Variants in CDH13 observed in about 807,000 individuals in gnomAD.
CDH13 encodes the protein cadherin-13.
In CDH13, 24 loss-of-function variants were observed where a neutral mutation model predicts 63.8. That is an observed-to-expected ratio of 0.38 (90% CI 0.27 to 0.53). The LOEUF (loss-of-function observed/expected upper bound fraction) is 0.53. Ranked by LOEUF, CDH13 falls within the 20% of genes least tolerant of loss-of-function variation. The pLI is 0.85. For synonymous variants in CDH13, 503 were observed against 355.3 expected (o/e 1.42, Z -4.67); for missense variants, 1,049 against 903.1 (o/e 1.16, Z -2.07).
chr16:83,365,420 C>T (rs1430263717), intron 6 of CDH13, among the ~76,000 whole-genome samples: 2 of 152,198 alleles, frequency 1.3e-5, no homozygotes, highest in Admixed American at 6.5e-5. Context: ...TCCAGACATG[C>T]CCTTACATCC....
At chr16:83,019,833 C>G (rs1167800357) in intron 2 of CDH13, among the ~76,000 whole-genome samples, 1 of 112,778 alleles carries the variant, frequency 8.9e-6, no homozygotes, top group African/African-American at 3.6e-5. Context: ...GAGGAGTACA[C>G]TCTAAAAAAA....
chr16:83,401,598 A>G (rs897060571), intron 6 of CDH13, among the ~76,000 whole-genome samples: 1 of 152,144 alleles, frequency 6.6e-6, no homozygotes, highest in African/African-American at 2.4e-5. Context: ...CAAATTATAT[A>G]CTTTAAACCT....
chr16:82,671,792 C>T (rs117193489), intron 1 of CDH13, among the ~76,000 whole-genome samples: 2 of 151,854 alleles, frequency 1.3e-5, no homozygotes, highest in Admixed American at 6.6e-5. Context: ...CTTTGGGCTT[C>T]TTTTCTATTC....
intron 1 of CDH13, among the ~76,000 whole-genome samples, chr16:82,641,623 G>A (rs879726021): frequency 6.6e-6 from 1 of 152,216 alleles, no homozygotes; most frequent in Admixed American, 6.5e-5. Flanking sequence ...TAAGCCAGTT[G>A]AGGTCAAAGG....
intron 6 of CDH13, among the ~76,000 whole-genome samples, chr16:83,395,785 C>T (rs1388624389): frequency 6.6e-6 from 1 of 152,116 alleles, no homozygotes; most frequent in Admixed American, 6.5e-5. Context: ...GTTATTTCAC[C>T]TTTCCGTTCT....
chr16:83,538,073 G>T (rs2075228391), intron 7 of CDH13, among the ~76,000 whole-genome samples: 1 of 152,060 alleles, frequency 6.6e-6, no homozygotes, highest in African/African-American at 2.4e-5. Flanking sequence ...AGTTGAATAT[G>T]CGCTATGTTT....
intron 4 of CDH13, among the ~76,000 whole-genome samples, chr16:83,151,075 G>C (rs768973881): frequency 3.3e-5 from 5 of 152,126 alleles, no homozygotes; most frequent in African/African-American, 4.8e-5. Context: ...AATCAATCTT[G>C]TTCCCATACC....
chr16:83,065,510 G>A (rs1251746379), intron 3 of CDH13, among the ~76,000 whole-genome samples: 2 of 152,018 alleles, frequency 1.3e-5, no homozygotes, highest in Admixed American at 1.3e-4. Context: ...TTCAAAACCA[G>A]CCTGGCCAAC....
chr16:83,669,229 T>C (rs558048274), intron 8 of CDH13, among the ~76,000 whole-genome samples: 31 of 152,228 alleles, frequency 2.0e-4, no homozygotes, highest in Admixed American at 1.2e-3. Flanking sequence ...CCCCGGGCAG[T>C]TTCTCTTTCA....
At chr16:83,388,249 C>T (rs1019903419) in intron 6 of CDH13, among the ~76,000 whole-genome samples, 5 of 149,560 alleles carry the variant, frequency 3.3e-5, no homozygotes, top group Non-Finnish European at 7.4e-5. Flanking sequence ...GAGTTGGAGA[C>T]CAGCCTGGGC....
intron 6 of CDH13, among the ~76,000 whole-genome samples, chr16:83,480,238 C>A (rs982664807): frequency 6.6e-6 from 1 of 152,172 alleles, no homozygotes; most frequent in South Asian, 2.1e-4. Context: ...ATCACTTGAG[C>A]CTGGGAGGTC....
intron 1 of CDH13, among the ~76,000 whole-genome samples, chr16:82,822,134 A>G (rs2038032476): frequency 6.6e-6 from 1 of 152,226 alleles, no homozygotes; most frequent in Non-Finnish European, 1.5e-5. Context: ...AGTGACATTA[A>G]CAGCAATCAA....
intron 5 of CDH13, among the ~76,000 whole-genome samples, chr16:83,219,108 A>T (rs188591190): frequency 1.3e-5 from 2 of 152,264 alleles, no homozygotes; most frequent in East Asian, 3.9e-4. Context: ...TCCTCCATTC[A>T]GGTCTCAGTG....
chr16:82,678,241 G>C (rs1279897635), intron 1 of CDH13, among the ~76,000 whole-genome samples: 1 of 150,628 alleles, frequency 6.6e-6, no homozygotes, highest in Non-Finnish European at 1.5e-5. Context: ...TCTAGGATCA[G>C]AAATAAACTA....
chr16:82,635,564 G>C lies in CDH13; in HGVS notation c.45+8427G>C, dbSNP rs1908553159. Among the ~76,000 whole-genome samples the C allele has an allele frequency of 1.3e-5, 2 of 152,238 alleles. 1 individual carries two copies. The highest frequency in any genetic ancestry group is 3.8e-4 in the East Asian group (2 of 5,196). On this transcript the variant is annotated intron_variant, in intron 1 of 13. Coordinates refer to ENST00000567109, the MANE Select transcript of CDH13 (RefSeq NM_001257.5). ...TTGAGGGTACTGAGGGAAAGGTACA[G>C]AGTGATGTGATCAGATTTGCATTCT...
At chr16:83,270,890 C>CCTTT (rs2088783897) in intron 5 of CDH13, among the ~76,000 whole-genome samples, 2 of 147,182 alleles carry the variant, frequency 1.4e-5, no homozygotes, top group African/African-American at 5.0e-5. Context: ...CTCCCTCCCT[C>CCTTT]CCTTCCTCCC....
intron 2 of CDH13, among the ~76,000 whole-genome samples, chr16:82,912,836 G>C (rs924539697): frequency 1.3e-5 from 2 of 152,008 alleles, no homozygotes; most frequent in African/African-American, 4.8e-5. Flanking sequence ...CCAGCTACTT[G>C]GGAGGCTGAG....
At chr16:83,741,210 T>C (rs751306097) in intron 10 of CDH13, among the ~76,000 whole-genome samples, 2 of 152,218 alleles carry the variant, frequency 1.3e-5, no homozygotes, top group Admixed American at 1.3e-4. Context: ...CTCAGGGCCA[T>C]AGCTACATGA....
chr16:83,316,739 AT>A (rs1199394386), intron 5 of CDH13, among the ~76,000 whole-genome samples: 2 of 152,174 alleles, frequency 1.3e-5, no homozygotes, highest in Non-Finnish European at 2.9e-5. Flanking sequence ...AATGCATTTG[AT>A]TTTACTCCTC....
Sources: allele counts gnomAD v4.1 joint callset (sites outside exome capture counted in the v4.1 genomes callset), GRCh38; gene constraint gnomAD v4.1.1; transcripts MANE v1.5; gene names NCBI Gene and HGNC (gene_info 2026-07-23, HGNC 2026-07-21).